ARID5B: variants seen among roughly 807,000 people sequenced by gnomAD.
ARID5B encodes AT-rich interaction domain 5B, also known as AT-rich interactive domain-containing protein 5B.
A neutral mutation model predicts 97.2 loss-of-function variants in ARID5B; 13 were observed. The ratio of observed to expected loss-of-function variants is 0.13; its 90% CI spans 0.09 to 0.21. The LOEUF (loss-of-function observed/expected upper bound fraction) is 0.21. Ranked by LOEUF, ARID5B falls within the 10% of genes least tolerant of loss-of-function variation. ARID5B has a pLI of 1.00. For synonymous variants in ARID5B, 556 were observed against 570.3 expected (o/e 0.97, Z 0.36); for missense variants, 1,210 against 1,465.3 (o/e 0.83, Z 2.84).
At position 62,063,616 on chromosome 10, in the gene ARID5B, A is replaced by G. The variant is rs116091926; in HGVS notation, c.1101+4321A>G. On this transcript the variant is annotated intron_variant, in intron 7 of 9. Transcript: ENST00000279873. ...TCTCTTCTGCCTTTGCTGGAAATGT[A>G]TAGAGTGTTTCTTCATCCTTAGGTT... is the stretch of plus-strand genomic sequence containing the variant. 4.4e-3 allele frequency among the ~76,000 whole-genome samples: 674 copies of G among 152,304 alleles called. 5 individuals are homozygous for G. The highest frequency in any genetic ancestry group is 0.015 in the African/African-American group (644 of 41,568).
Position 62,091,131 on chromosome 10 carries a change from C to T in ARID5B, c.1668C>T (p.Val556=). 6.2e-7 allele frequency: 1 copy of T among 1,614,162 alleles called. No homozygotes were observed. The highest frequency in any genetic ancestry group is 8.5e-7 in the Non-Finnish European group (1 of 1,180,034). The change falls in exon 10 of 10, where the codon GTC becomes GTT. Residue 556 remains valine (V), a synonymous_variant. Coordinates refer to ENST00000279873, the MANE Select transcript of ARID5B (RefSeq NM_032199.3). ...PLAPEKDSAL[V]PGASKQPLTS... The stretch of plus-strand genomic sequence containing the variant: ...CCCCAGAAAAAGATTCAGCCTTGGT[C>T]CCTGGGGCCAGCAAACAGCCACTCA...
intron 3 of ARID5B, among the ~76,000 whole-genome samples, chr10:61,958,517 C>T (rs544126611): frequency 1.4e-4 from 22 of 152,110 alleles, no homozygotes; most frequent in Non-Finnish European, 2.8e-4. Context: ...TGAGCCGCCG[C>T]GCCCGGCCGT....
intron 3 of ARID5B, among the ~76,000 whole-genome samples, chr10:61,951,890 A>G (rs1838328624): frequency 6.6e-6 from 1 of 152,132 alleles, no homozygotes; most frequent in Admixed American, 6.6e-5. Context: ...AAAATATCCT[A>G]TACTGGGTTT....
intron 3 of ARID5B, among the ~76,000 whole-genome samples, chr10:61,991,271 T>C (rs1327522618): frequency 2.0e-5 from 3 of 152,196 alleles, no homozygotes. Context: ...GGAAGTCCCA[T>C]ACTTTTTCAT....
In ARID5B at chr10:62,094,318, A is replaced by T. The variant is rs1017320316; in HGVS notation, c.*1288A>T. On this transcript the variant is annotated 3_prime_UTR_variant, in exon 10 of 10. Transcript: ENST00000279873. ...TTCTCTAGCCTCGGTCTTTTGAGTG[A>T]TAAGTAGTCATGTTGTTTTCATCCA... is the stretch of plus-strand genomic sequence containing the variant. 13 of 230,862 alleles carry T rather than the reference A, an allele frequency of 5.6e-5. No individual in the cohort carries two copies. Among genetic ancestry groups the T allele is most frequent in the African/African-American group, 2.9e-4 (13 of 45,230 alleles). 14.3% of individuals were successfully genotyped at this position (230,862 alleles called of 1,614,324 possible).
intron 2 of ARID5B, among the ~76,000 whole-genome samples, chr10:61,927,988 T>C (rs927225968): frequency 6.6e-6 from 1 of 151,962 alleles, no homozygotes; most frequent in African/African-American, 2.4e-5. Flanking sequence ...TCCGGTGGGG[T>C]TTACTCATAG....
At chr10:61,997,815 G>T (rs1433662612) in intron 3 of ARID5B, among the ~76,000 whole-genome samples, 1 of 152,106 alleles carries the variant, frequency 6.6e-6, no homozygotes, top group African/African-American at 2.4e-5. Context: ...TAAAAACTCT[G>T]GAGAAACGAC....
chr10:61,961,158 T>A (rs1415668728), intron 3 of ARID5B, among the ~76,000 whole-genome samples: 1 of 152,256 alleles, frequency 6.6e-6, no homozygotes, highest in East Asian at 1.9e-4. Flanking sequence ...CACTGTTTTA[T>A]TATTTACTTA....
intron 3 of ARID5B, among the ~76,000 whole-genome samples, chr10:61,974,413 C>G (rs1047331525): frequency 3.3e-5 from 5 of 152,124 alleles, no homozygotes; most frequent in Non-Finnish European, 7.4e-5. Flanking sequence ...GAGAGGAGAA[C>G]AAATCTTTCC....
chr10:61,936,533 G>A (rs775689654), intron 2 of ARID5B, among the ~76,000 whole-genome samples: 5 of 152,162 alleles, frequency 3.3e-5, no homozygotes, highest in Admixed American at 2.6e-4. Context: ...CAGGAGAATC[G>A]CTTGAACCTG....
chr10:62,059,420 T>C, intron 7 of ARID5B, 125 bp downstream of exon 7: 1 of 732,066 alleles, frequency 1.4e-6, no homozygotes, highest in Non-Finnish European at 2.2e-6. Context: ...CTCTACACTT[T>C]TGGGGGTTTA....
chr10:61,981,816 G>T (rs78105914), intron 3 of ARID5B, among the ~76,000 whole-genome samples: 104 of 152,146 alleles, frequency 6.8e-4, no homozygotes, highest in African/African-American at 2.4e-3. Context: ...ACATTATGTT[G>T]GTCATCCAAG....
chr10:61,950,246 T>C (rs900140162), intron 3 of ARID5B, among the ~76,000 whole-genome samples: 1 of 152,202 alleles, frequency 6.6e-6, no homozygotes, highest in Non-Finnish European at 1.5e-5. Context: ...GACCTCGTGA[T>C]CTGCCCGCCT....
chr10:62,051,045 A>G, intron 5 of ARID5B, 45 bp downstream of exon 5: 1 of 1,531,262 alleles, frequency 6.5e-7, no homozygotes, highest in Non-Finnish European at 9.0e-7. Context: ...GCATCTTTTT[A>G]TTTTTGCTTT....
At chr10:62,071,117 C>T (rs779443378) in intron 8 of ARID5B, among the ~76,000 whole-genome samples, 4 of 150,330 alleles carry the variant, frequency 2.7e-5, no homozygotes, top group Non-Finnish European at 5.9e-5. Context: ...CCCACTGCAA[C>T]CTCTGCCTCC....
At chr10:62,009,023 C>T (rs528584054) in intron 4 of ARID5B, among the ~76,000 whole-genome samples, 1 of 152,288 alleles carries the variant, frequency 6.6e-6, no homozygotes, top group African/African-American at 2.4e-5. Context: ...TAAATCATTT[C>T]CCTTTTTAAA....
chr10:61,927,230 A>G (rs1844123066), intron 2 of ARID5B, among the ~76,000 whole-genome samples: 1 of 152,148 alleles, frequency 6.6e-6, no homozygotes, highest in Non-Finnish European at 1.5e-5. Context: ...TGTGTTGACC[A>G]TTGTATTGTA....
rs1481593361 is a variant in ARID5B at position 62,091,706 on chromosome 10, G to A, written c.2243G>A (p.Arg748Gln). Reference sequence around the variant, plus strand: ...AGCACTGACCATATGGCGGTCAGCCGGCCATCAGTGATTCAGCACGTCCAG... The same window carrying A: ...AGCACTGACCATATGGCGGTCAGCCAGCCATCAGTGATTCAGCACGTCCAG... ...GQSTDHMAVS[R>Q]PSVIQHVQSF... is the part of the protein sequence containing the mutation. The change falls in exon 10 of 10, where the codon CGG becomes CAG. Residue 748 changes from arginine to glutamine, a missense_variant. By Grantham distance (43) the Arg-to-Gln change is conservative (BLOSUM62 1). Around this residue, in one of 8 missense-constraint regions of ARID5B, gnomAD observed 800 missense variants for 839.1 expected, o/e 0.95. Transcript: ENST00000279873. The A allele has an allele frequency of 4.3e-6, 7 of 1,613,942 alleles. No homozygotes were observed. Among genetic ancestry groups the A allele is most frequent in the Non-Finnish European group, 5.9e-6 (7 of 1,180,040 alleles).
At chr10:61,930,638 T>A (rs1844189859) in intron 2 of ARID5B, among the ~76,000 whole-genome samples, 1 of 151,824 alleles carries the variant, frequency 6.6e-6, no homozygotes, top group Non-Finnish European at 1.5e-5. Flanking sequence ...GAGAATGGCG[T>A]GAACCCGGGA....
Sources: gnomAD v4.1 joint callset for allele counts (sites outside exome capture counted in the v4.1 genomes callset) on GRCh38, gnomAD v4.1.1 for gene constraint, gnomAD v4.1.1 regional missense constraint, MANE v1.5 for transcripts, NCBI Gene and HGNC (gene_info 2026-07-23, HGNC 2026-07-21) for gene names.